Variants in UBASH3B observed in about 807,000 individuals in gnomAD.
UBASH3B encodes ubiquitin-associated and SH3 domain-containing protein B.
In UBASH3B, 37 loss-of-function variants were observed where a neutral mutation model predicts 83.4. The ratio of observed to expected loss-of-function variants is 0.44; its 90% CI spans 0.34 to 0.58. UBASH3B has a LOEUF of 0.58. Ranked by LOEUF, UBASH3B falls within the 20% of genes least tolerant of loss-of-function variation. UBASH3B has a pLI of 0.01. For missense variants in UBASH3B, 657 were observed against 827.2 expected (o/e 0.79, Z 2.52); for synonymous variants, 304 against 318.3 (o/e 0.96, Z 0.48).
At chr11:122,768,787 G>T (rs1279543484) in intron 1 of UBASH3B, among the ~76,000 whole-genome samples, 5 of 152,114 alleles carry the variant, frequency 3.3e-5, no homozygotes, top group Non-Finnish European at 7.4e-5. Context: ...TTACAGGTGT[G>T]AGCCACCGTG....
intron 1 of UBASH3B, among the ~76,000 whole-genome samples, chr11:122,686,992 T>G (rs973254737): frequency 6.6e-6 from 1 of 151,982 alleles, no homozygotes; most frequent in East Asian, 1.9e-4. Flanking sequence ...CTCAGCCTCC[T>G]GAGTAGCTGG....
At chr11:122,760,409 A>G (rs1351181202) in intron 1 of UBASH3B, among the ~76,000 whole-genome samples, 1 of 151,514 alleles carries the variant, frequency 6.6e-6, no homozygotes, top group East Asian at 1.9e-4. Flanking sequence ...CACCCAGGCT[A>G]GAGTGCAGTG....
chr11:122,692,794 T>TTCC (rs1414702581), intron 1 of UBASH3B, among the ~76,000 whole-genome samples: 1 of 152,240 alleles, frequency 6.6e-6, no homozygotes, highest in Non-Finnish European at 1.5e-5. Flanking sequence ...AGAAGACACA[T>TTCC]TCCTCCCTTC....
At chr11:122,756,220 G>C (rs1008094869) in intron 1 of UBASH3B, among the ~76,000 whole-genome samples, 2 of 152,186 alleles carry the variant, frequency 1.3e-5, no homozygotes, top group African/African-American at 4.8e-5. Flanking sequence ...GCTGAATTGA[G>C]TCCTCTTTGT....
intron 1 of UBASH3B, among the ~76,000 whole-genome samples, chr11:122,766,284 T>C (rs1012160608): frequency 2.0e-5 from 3 of 152,066 alleles, no homozygotes; most frequent in African/African-American, 2.4e-5. Flanking sequence ...CGGTGGCTCA[T>C]GCCTGTAATC....
chr11:122,709,508 G>C (rs1439723522), intron 1 of UBASH3B: 2 of 152,206 alleles, frequency 1.3e-5, no homozygotes, highest in Admixed American at 6.5e-5. Flanking sequence ...AATCAGAAGG[G>C]GATGGGGAAC....
intron 1 of UBASH3B, among the ~76,000 whole-genome samples, chr11:122,669,702 C>T (rs536336228): frequency 6.1e-4 from 93 of 152,288 alleles, no homozygotes; most frequent in Admixed American, 2.3e-3. Context: ...GTGTGCCAGA[C>T]AATATTTTAA....
At chr11:122,771,748 AACACACACACACACAC>A (rs58950220) in intron 1 of UBASH3B, among the ~76,000 whole-genome samples, 204 of 147,238 alleles carry the variant, frequency 1.4e-3, no homozygotes, top group Non-Finnish European at 1.7e-3. Flanking sequence ...GCTGTGTTAA[AACACACACACACACAC>A]ACACACACAC....
Position 122,779,562 on chromosome 11 carries a change from T to C in UBASH3B, c.468T>C (p.Cys156=). Residue 156 remains cysteine (C), a synonymous_variant, in exon 4 of 14, where the codon TGT becomes TGC. Coordinates refer to ENST00000284273, the MANE Select transcript of UBASH3B (RefSeq NM_032873.5). ...ALQTTVSRWK[C]KFSAPLPLEL... ...AGACCACGGTCAGTCGCTGGAAATG[T>C]AAGTTCTCGGCCCCGCTGCCCCTGG... is the stretch of plus-strand genomic sequence containing the variant. The C allele has an allele frequency of 6.2e-7, 1 of 1,614,166 alleles. No individual in the cohort carries two copies. The highest frequency in any genetic ancestry group is 8.5e-7 in the Non-Finnish European group (1 of 1,180,024).
rs1449122082 is a variant in UBASH3B at position 122,759,285 on chromosome 11, A to G, written c.162-16934A>G. 6.6e-6 allele frequency among the ~76,000 whole-genome samples: 1 copy of G among 152,198 alleles called. No homozygotes were observed. Among genetic ancestry groups the G allele is most frequent in the Non-Finnish European group, 1.5e-5 (1 of 68,044 alleles). Reference sequence around the variant, plus strand: ...GTGGCTGTCTTTTCATAGGCAGTCCACAACATGCTGCTTCTCCTTGGCCAG... The same window carrying G: ...GTGGCTGTCTTTTCATAGGCAGTCCGCAACATGCTGCTTCTCCTTGGCCAG... On this transcript the variant is annotated intron_variant, in intron 1 of 13. Coordinates refer to ENST00000284273, the MANE Select transcript of UBASH3B (RefSeq NM_032873.5). The surrounding 1 kb of genome is among the most constrained non-coding windows in gnomAD (Gnocchi z 4.1).
At chr11:122,679,720 A>G (rs1863714347) in intron 1 of UBASH3B, among the ~76,000 whole-genome samples, 1 of 152,234 alleles carries the variant, frequency 6.6e-6, no homozygotes, top group African/African-American at 2.4e-5. Context: ...ATATAAACAA[A>G]TAAGCATGGC....
At chr11:122,763,777 A>G (rs1468586365) in intron 1 of UBASH3B, among the ~76,000 whole-genome samples, 2 of 152,170 alleles carry the variant, frequency 1.3e-5, no homozygotes, top group African/African-American at 4.8e-5. Flanking sequence ...ATCTTTCTCC[A>G]TTAGTTTCAT....
intron 3 of UBASH3B, among the ~76,000 whole-genome samples, chr11:122,778,258 C>G (rs2135143417): frequency 6.6e-6 from 1 of 152,318 alleles, no homozygotes; most frequent in Admixed American, 6.5e-5. Flanking sequence ...AACACCTTCT[C>G]TTTTACCATT....
At chr11:122,725,446 T>C (rs1266021618) in intron 1 of UBASH3B, among the ~76,000 whole-genome samples, 3 of 151,686 alleles carry the variant, frequency 2.0e-5, no homozygotes, top group African/African-American at 7.3e-5. Context: ...TTAACCGTGG[T>C]CAGGAGGCAA....
At chr11:122,722,504 G>A (rs1268402772) in intron 1 of UBASH3B, among the ~76,000 whole-genome samples, 2 of 152,156 alleles carry the variant, frequency 1.3e-5, no homozygotes, top group Non-Finnish European at 2.9e-5. Flanking sequence ...CTAGGAGAGT[G>A]CTCAGTGGCA....
intron 1 of UBASH3B, among the ~76,000 whole-genome samples, chr11:122,727,053 G>A (rs539064094): frequency 2.8e-4 from 42 of 152,274 alleles, no homozygotes; most frequent in African/African-American, 9.9e-4. Context: ...ACAAGTTGCT[G>A]GGTTTTTTTC....
In UBASH3B at chr11:122,779,199, T is replaced by C. The variant is rs572731024; in HGVS notation, c.403-298T>C. Among the ~76,000 whole-genome samples, 17 of 152,342 alleles carry C rather than the reference T, an allele frequency of 1.1e-4. No individual in the cohort carries two copies. The South Asian group carries it at 3.5e-3, about 32-fold the overall frequency. ...CAATATCTCCCCAATCTCGCTCCCC[T>C]TTCTTGCTTTCGGCTCAACCAGTCC... On this transcript the variant is annotated intron_variant, in intron 3 of 13. Coordinates refer to ENST00000284273, the MANE Select transcript of UBASH3B (RefSeq NM_032873.5).
intron 1 of UBASH3B, among the ~76,000 whole-genome samples, chr11:122,680,054 C>G (rs377120634): frequency 5.9e-4 from 90 of 152,310 alleles, no homozygotes; most frequent in African/African-American, 2.1e-3. Context: ...TGGTCTCGAA[C>G]TCCTGACCTC....
chr11:122,760,574 G>A (rs900649465), intron 1 of UBASH3B, among the ~76,000 whole-genome samples: 20 of 152,236 alleles, frequency 1.3e-4, no homozygotes, highest in African/African-American at 4.8e-4. Context: ...GGTTGGCTAG[G>A]CTGGTCTTGA....
Sources: gnomAD v4.1 joint callset for allele counts (sites outside exome capture counted in the v4.1 genomes callset) on GRCh38, gnomAD v4.1.1 for gene constraint, Gnocchi (gnomAD v3.1) non-coding constraint, MANE v1.5 for transcripts, NCBI Gene and HGNC (gene_info 2026-07-23, HGNC 2026-07-21) for gene names.